The following PCDH11X variants were observed in gnomAD, a reference collection of about 807,000 sequenced individuals.
The protein encoded by PCDH11X is protocadherin-11 X-linked.
A neutral mutation model predicts 53.3 loss-of-function variants in PCDH11X; 18 were observed. The ratio of observed to expected loss-of-function variants is 0.34; its 90% confidence interval spans 0.23 to 0.50. The LOEUF is 0.50. Among genes scored for constraint, PCDH11X ranks in the 20% least tolerant of loss-of-function variants. The pLI is 0.98. For missense variants in PCDH11X, 570 were observed against 1,032.4 expected, an observed-to-expected ratio of 0.55 and a Z score of 6.14; for synonymous variants, 279 against 393.3, an observed-to-expected ratio of 0.71 and a Z score of 3.44.
At chrX:92,114,667 A>G (rs909323969) in intron 6 of PCDH11X, among the ~76,000 whole-genome samples, 3 of 111,047 alleles carry the variant, frequency 2.7e-5, no homozygotes, top group African/African-American at 9.8e-5. Context: ...TTACACAAAC[A>G]CTTTGTCTCA....
intron 10 of PCDH11X, among the ~76,000 whole-genome samples, chrX:92,556,371 G>A (rs1395078380): frequency 2.7e-5 from 3 of 111,718 alleles, no homozygotes; most frequent in Non-Finnish European, 5.6e-5. Context: ...AAAATCAAAA[G>A]CAAGTTAGTT....
intron 10 of PCDH11X, among the ~76,000 whole-genome samples, chrX:92,584,564 G>A (rs1237234851): frequency 1.8e-5 from 2 of 110,051 alleles, no homozygotes; most frequent in Non-Finnish European, 3.8e-5. Context: ...CTCTCAAAAG[G>A]AAGATACATA....
At chrX:92,282,270 T>A (rs988746302) in intron 8 of PCDH11X, among the ~76,000 whole-genome samples, 1 of 111,811 alleles carries the variant, frequency 8.9e-6, no homozygotes, top group African/African-American at 3.2e-5. Flanking sequence ...GAAGTTCAAG[T>A]TTTATAGTGT....
intron 5 of PCDH11X, among the ~76,000 whole-genome samples, chrX:91,846,575 G>A (rs1233598934): frequency 9.4e-6 from 1 of 106,420 alleles, no homozygotes; most frequent in Non-Finnish European, 1.9e-5. Context: ...CCCAGATCGC[G>A]CCACTGCACT....
At chrX:91,853,578 A>G (rs1322811431) in intron 5 of PCDH11X, among the ~76,000 whole-genome samples, 1 of 109,100 alleles carries the variant, frequency 9.2e-6, no homozygotes, top group Non-Finnish European at 1.9e-5. Context: ...TGTAAGAATT[A>G]TTAGCAATTT....
At chrX:92,582,161 C>A in intron 10 of PCDH11X, among the ~76,000 whole-genome samples, 1 of 88,966 alleles carries the variant, frequency 1.1e-5, no homozygotes, top group Admixed American at 1.2e-4. Flanking sequence ...AAATTCAAGC[C>A]GGCTTCAGAA....
intron 9 of PCDH11X, among the ~76,000 whole-genome samples, chrX:92,395,514 A>G (rs1265350160): frequency 9.0e-6 from 1 of 111,072 alleles, no homozygotes; most frequent in East Asian, 2.8e-4. Flanking sequence ...TTTTAACCTC[A>G]CTGTCTCTTT....
rs759898012 is a variant in PCDH11X at position 92,182,427 on chromosome X, G to GT, written c.3034-18946dup. ...GACTTTTGAGTTAATGCTAAAATGA[G>GT]TTAAGACTTTGGGAGATTGTTGGGA... On this transcript the variant is annotated intron_variant, in intron 6 of 10. Transcript: ENST00000682573. Among the ~76,000 whole-genome samples the GT allele has an allele frequency of 8.2e-3, 914 of 111,712 alleles. 6 individuals carry two copies. Among genetic ancestry groups the GT allele is most frequent in the African/African-American group, 0.029 (876 of 30,733 alleles).
chrX:91,828,432 C>T (rs1167453462), intron 4 of PCDH11X, among the ~76,000 whole-genome samples: 1 of 111,323 alleles, frequency 9.0e-6, no homozygotes, highest in Non-Finnish European at 1.9e-5. Context: ...ACTGAAGATT[C>T]GAAATATGGC....
chrX:92,004,428 T>C (rs2062561999), intron 6 of PCDH11X, among the ~76,000 whole-genome samples: 1 of 111,180 alleles, frequency 9.0e-6, no homozygotes, highest in Non-Finnish European at 1.9e-5. Context: ...CTAAATATGA[T>C]GTTTCATTGT....
chrX:92,332,643 T>C (rs2069518801), intron 8 of PCDH11X, among the ~76,000 whole-genome samples: 1 of 112,224 alleles, frequency 8.9e-6, no homozygotes, highest in Admixed American at 9.5e-5. Flanking sequence ...ACCATATGCT[T>C]TTACAAAATA....
intron 10 of PCDH11X, among the ~76,000 whole-genome samples, chrX:92,544,053 A>G (rs1431544530): frequency 9.2e-6 from 1 of 108,370 alleles, no homozygotes. Flanking sequence ...AGATAAAACT[A>G]GTATGCTCGG....
Position 92,094,133 on chromosome X carries a change from A to ATG in PCDH11X, c.3034-107200_3034-107199dup, listed in dbSNP as rs58997781. ...ATCCAGCACCACACAAAAAAGTAAT[A>ATG]TGTGTGTGTGTGTGTGTGTGTGTGT... On this transcript the variant is annotated intron_variant, in intron 6 of 10. Transcript: ENST00000682573. Among the ~76,000 whole-genome samples, 655 of 94,228 alleles carry ATG rather than the reference A, an allele frequency of 7.0e-3. 2 individuals are homozygous for ATG. Among genetic ancestry groups the ATG allele is most frequent in the South Asian group, 0.011 (20 of 1,803 alleles). The allele number at this position is 94,228 out of a possible 115,157, so 81.8% of individuals were successfully genotyped here.
At chrX:92,461,660 T>C (rs1239079891) in intron 9 of PCDH11X, among the ~76,000 whole-genome samples, 1 of 111,633 alleles carries the variant, frequency 9.0e-6, no homozygotes, top group African/African-American at 3.3e-5. Flanking sequence ...AAAGACTTAT[T>C]GACCAATGCC....
At chrX:91,890,143 A>G (rs1482217171) in intron 6 of PCDH11X, among the ~76,000 whole-genome samples, 2 of 109,418 alleles carry the variant, frequency 1.8e-5, no homozygotes, top group African/African-American at 3.3e-5. Flanking sequence ...GTTCTAATGT[A>G]TTGGTATTAA....
At chrX:92,332,990 C>G (rs2522720) in intron 8 of PCDH11X, among the ~76,000 whole-genome samples, 1 of 111,849 alleles carries the variant, frequency 8.9e-6, no homozygotes, top group Non-Finnish European at 1.9e-5. Flanking sequence ...ATAAGAAATA[C>G]TGTCATATTA....
rs755059694 is a variant in PCDH11X, at chrX:92,259,914, G to T, written c.3115-3200G>T. On this transcript the variant is annotated intron_variant, in intron 7 of 10. Coordinates refer to ENST00000682573, the MANE Select transcript of PCDH11X (RefSeq NM_032968.5). ...TGGGGAGTTAGGGCCTGGAACGGGT[G>T]CACCACAGCTGTGACAGTTGCCGTG... Among the ~76,000 whole-genome samples, 6 of 111,488 alleles carry T rather than the reference G, an allele frequency of 5.4e-5. No individual in the cohort carries two copies. The South Asian group carries it at 1.5e-3, about 28-fold the overall frequency.
At chrX:92,237,608 G>A (rs1164014524) in intron 7 of PCDH11X, among the ~76,000 whole-genome samples, 1 of 110,783 alleles carries the variant, frequency 9.0e-6, no homozygotes, top group Non-Finnish European at 1.9e-5. Flanking sequence ...GTCAGTACAG[G>A]GATATAATTT....
intron 6 of PCDH11X, among the ~76,000 whole-genome samples, chrX:92,193,021 G>C (rs371560635): frequency 8.9e-6 from 1 of 111,978 alleles, no homozygotes; most frequent in Non-Finnish European, 1.9e-5. Flanking sequence ...TTACAGGTGT[G>C]AGCCACCATG....
Sources: gnomAD v4.1 joint callset for allele counts (sites outside exome capture counted in the v4.1 genomes callset) on GRCh38, gnomAD v4.1.1 for gene constraint, MANE v1.5 for transcripts, NCBI Gene and HGNC (gene_info 2026-07-23, HGNC 2026-07-21) for gene names.